The following ZNF487 variants were observed in gnomAD, a reference collection of about 807,000 sequenced individuals.
ZNF487 encodes KRAB domain only 1.
In ZNF487, 4 loss-of-function variants were observed where a neutral mutation model predicts 3.0. That is an observed-to-expected ratio of 1.35 (90% CI 0.66 to 3.08). The LOEUF (loss-of-function observed/expected upper bound fraction) is 3.08, where lower values mean the gene tolerates loss of function less well. Ranked by LOEUF, ZNF487 falls within the 30% of genes most tolerant of loss-of-function variation. ZNF487 has a pLI of 0.01. For missense variants in ZNF487, 146 were observed against 98.7 expected (o/e 1.48, Z -2.03); for synonymous variants, 55 against 34.6 (o/e 1.59, Z -2.06).
intron 1 of ZNF487, among the ~76,000 whole-genome samples, chr10:43,451,617 G>A (rs1027148841): frequency 7.9e-5 from 12 of 151,404 alleles, no homozygotes; most frequent in African/African-American, 2.4e-4. Flanking sequence ...CCAGGCTGGA[G>A]TGCAATGGCG....
intron 1 of ZNF487, among the ~76,000 whole-genome samples, chr10:43,441,288 C>T (rs567256531): frequency 2.0e-5 from 3 of 150,890 alleles, no homozygotes; most frequent in African/African-American, 7.3e-5. Context: ...TTTTTTGAGA[C>T]GGAGTCTCAC....
At chr10:43,516,878 C>T in the ZNF487 span, among the ~76,000 whole-genome samples, 1 of 152,200 alleles carries the variant, frequency 6.6e-6, no homozygotes, top group Non-Finnish European at 1.5e-5. Flanking sequence ...TTAACCATCA[C>T]ATGGCTAATA....
chr10:43,460,774 C>A (rs956146160), intron 1 of ZNF487, among the ~76,000 whole-genome samples: 1 of 151,624 alleles, frequency 6.6e-6, no homozygotes, highest in South Asian at 2.1e-4. Flanking sequence ...CTTACTGCAA[C>A]CTTTGCCTCC....
chr10:43,443,996 G>A (rs1189167406), intron 1 of ZNF487, among the ~76,000 whole-genome samples: 2 of 151,972 alleles, frequency 1.3e-5, no homozygotes, highest in East Asian at 3.9e-4. Flanking sequence ...GGGACTGCAG[G>A]TGTGCACCAC....
At chr10:43,498,114 C>CTT in the ZNF487 span, among the ~76,000 whole-genome samples, 16 of 24,610 alleles carry the variant, frequency 6.5e-4, no homozygotes, top group South Asian at 2.4e-3. Flanking sequence ...TTTTTTTTTT[C>CTT]TTTTTTTTTT....
At chr10:43,502,801 C>T in the ZNF487 span, among the ~76,000 whole-genome samples, 8 of 152,144 alleles carry the variant, frequency 5.3e-5, no homozygotes, top group Non-Finnish European at 1.0e-4. Context: ...GGGGCCAAGC[C>T]GGGTGAATCA....
intron 3 of ZNF487, among the ~76,000 whole-genome samples, chr10:43,478,442 A>G (rs1046865123): frequency 7.2e-5 from 11 of 152,152 alleles, no homozygotes; most frequent in Non-Finnish European, 1.6e-4. Flanking sequence ...TAATCCCGCT[A>G]CTCGGGAGGC....
the ZNF487 span, among the ~76,000 whole-genome samples, chr10:43,515,902 G>A: frequency 6.6e-6 from 1 of 152,140 alleles, no homozygotes; most frequent in East Asian, 1.9e-4. Flanking sequence ...AGCCTCTTGA[G>A]TAGCTGGGAC....
chr10:43,514,285 T>C, the ZNF487 span, among the ~76,000 whole-genome samples: 119 of 152,116 alleles, frequency 7.8e-4, 3 homozygotes, highest in South Asian at 0.022. Context: ...GGATTACAGG[T>C]TTGTGCCACC....
At chr10:43,504,723 GT>G in the ZNF487 span, among the ~76,000 whole-genome samples, 96 of 16,058 alleles carry the variant, frequency 6.0e-3, 2 homozygotes, top group East Asian at 0.029. Context: ...TGTTGTTGTT[GT>G]TTTTTTTTTG....
rs190761582 is a variant in ZNF487 at position 43,446,206 on chromosome 10, C to T, written c.-94+8944C>T. On this transcript the variant is annotated intron_variant, in intron 1 of 3. Transcript: ENST00000437590. ...TGAGCTGTTGGGTACACCTCCCAGACGGGGTGGTGGCCGGGCAGAGGGGCT... is the reference window on the plus strand; with the variant it reads ...TGAGCTGTTGGGTACACCTCCCAGATGGGGTGGTGGCCGGGCAGAGGGGCT... Among the ~76,000 whole-genome samples the T allele has an allele frequency of 8.1e-3, 1,234 of 152,214 alleles. 16 individuals are homozygous for T. The highest frequency in any genetic ancestry group is 0.027 in the African/African-American group (1,142 of 41,542).
chr10:43,484,500 G>A (rs1006957486), downstream of ZNF487, among the ~76,000 whole-genome samples: 9 of 151,920 alleles, frequency 5.9e-5, no homozygotes, highest in African/African-American at 2.2e-4. Context: ...TCAGCTACTC[G>A]AGAGGCTGAG....
chr10:43,492,124 T>G, the ZNF487 span, among the ~76,000 whole-genome samples: 1 of 151,672 alleles, frequency 6.6e-6, no homozygotes. Context: ...TTTAAAAAAT[T>G]TCTGTGAAGA....
the ZNF487 span, among the ~76,000 whole-genome samples, chr10:43,501,939 A>G: frequency 6.6e-6 from 1 of 152,196 alleles, no homozygotes; most frequent in African/African-American, 2.4e-5. Flanking sequence ...AAACTACAAA[A>G]CATTGTTGAA....
At chr10:43,459,906 A>G (rs1254552436) in intron 1 of ZNF487, among the ~76,000 whole-genome samples, 2 of 151,412 alleles carry the variant, frequency 1.3e-5, no homozygotes, top group Non-Finnish European at 2.9e-5. Context: ...GGTTCACGCC[A>G]TTCTCCTGCC....
the ZNF487 span, among the ~76,000 whole-genome samples, chr10:43,511,013 A>G: frequency 0.046 from 7,071 of 152,246 alleles, 522 homozygotes; most frequent in African/African-American, 0.16. Context: ...CGGGAACAGG[A>G]AGCAAAAATT....
intron 1 of ZNF487, among the ~76,000 whole-genome samples, chr10:43,472,036 C>A (rs1272475824): frequency 1.3e-5 from 2 of 152,210 alleles, no homozygotes. Flanking sequence ...GGAGGTTTCA[C>A]TGGGGACCTG....
chr10:43,440,529 T>C (rs1383905760), intron 1 of ZNF487, among the ~76,000 whole-genome samples: 1 of 151,938 alleles, frequency 6.6e-6, no homozygotes, highest in East Asian at 1.9e-4. Context: ...ATGGTAATGC[T>C]TACCTGTAGT....
At chr10:43,510,586 C>T in the ZNF487 span, among the ~76,000 whole-genome samples, 9 of 152,052 alleles carry the variant, frequency 5.9e-5, no homozygotes, top group Admixed American at 5.2e-4. Flanking sequence ...CTCACTCTGT[C>T]GCCCAGGCTG....
Sources: gnomAD v4.1 joint callset for allele counts (sites outside exome capture counted in the v4.1 genomes callset) on GRCh38, gnomAD v4.1.1 for gene constraint, MANE v1.5 for transcripts, NCBI Gene and HGNC (gene_info 2026-07-23, HGNC 2026-07-21) for gene names.